Variants in KCNH5 observed in about 807,000 individuals in gnomAD.
KCNH5 encodes the protein potassium voltage-gated channel subfamily H member 5, also known as voltage-gated delayed rectifier potassium channel KCNH5.
A neutral mutation model predicts 96.1 loss-of-function variants in KCNH5; 46 were observed. The observed-to-expected ratio is 0.48, with a 90% CI of 0.38 to 0.61. The LOEUF (loss-of-function observed/expected upper bound fraction) is 0.61, where lower values mean the gene tolerates loss of function less well. Among genes scored for constraint, KCNH5 ranks in the 20% least tolerant of loss-of-function variants. KCNH5 has a pLI of 0.00. For missense variants in KCNH5, 907 were observed against 1,225.8 expected (o/e 0.74, Z 3.88); for synonymous variants, 439 against 449.8 (o/e 0.98, Z 0.30).
intron 7 of KCNH5, among the ~76,000 whole-genome samples, chr14:62,859,739 A>G (rs1887997560): frequency 6.6e-6 from 1 of 152,012 alleles, no homozygotes; most frequent in South Asian, 2.1e-4. Context: ...ACTTCCCTTC[A>G]CTGCTGTCCT....
intron 9 of KCNH5, among the ~76,000 whole-genome samples, chr14:62,800,018 A>G (rs1886628745): frequency 6.6e-6 from 1 of 151,438 alleles, no homozygotes; most frequent in Non-Finnish European, 1.5e-5. Flanking sequence ...GAGAATCAGG[A>G]AAACAGGTGC....
rs1885683499 is a variant in KCNH5 at position 62,758,814 on chromosome 14, T to C, written c.2019+20914A>G. ...GTAGGTTAGTATGGAAAAAGGAGAGTCATGTGGAGCTGGAACACATGAGGA... is the reference window on the plus strand; with the variant it reads ...GTAGGTTAGTATGGAAAAAGGAGAGCCATGTGGAGCTGGAACACATGAGGA... On this transcript the variant is annotated intron_variant, in intron 10 of 10. Coordinates refer to ENST00000322893, the MANE Select transcript of KCNH5 (RefSeq NM_139318.5). 2.6e-5 allele frequency among the ~76,000 whole-genome samples: 4 copies of C among 151,508 alleles called. No individual in the cohort carries two copies. The South Asian group carries it at 8.4e-4, about 32-fold the overall frequency.
intron 10 of KCNH5, among the ~76,000 whole-genome samples, chr14:62,749,823 C>T (rs1261281311): frequency 6.6e-6 from 1 of 152,156 alleles, no homozygotes; most frequent in African/African-American, 2.4e-5. Context: ...CCACTTTCCC[C>T]AAGACTGTGA....
chr14:62,859,018 C>T (rs535033516), intron 7 of KCNH5, among the ~76,000 whole-genome samples: 40 of 152,244 alleles, frequency 2.6e-4, no homozygotes, highest in African/African-American at 9.1e-4. Flanking sequence ...AGAGGCAATG[C>T]TGTATGGAAT....
intron 7 of KCNH5, among the ~76,000 whole-genome samples, chr14:62,935,538 C>T (rs1889663225): frequency 6.6e-6 from 1 of 152,034 alleles, no homozygotes; most frequent in African/African-American, 2.4e-5. Context: ...ATTAATAATC[C>T]CTGGTTATTT....
At chr14:62,856,165 C>T (rs2140052475) in intron 7 of KCNH5, among the ~76,000 whole-genome samples, 1 of 152,156 alleles carries the variant, frequency 6.6e-6, no homozygotes, top group East Asian at 1.9e-4. Context: ...TGTAACCTGG[C>T]CTTCACTCTT....
chr14:62,974,240 A>G (rs1333452534), intron 6 of KCNH5, among the ~76,000 whole-genome samples: 1 of 152,144 alleles, frequency 6.6e-6, no homozygotes, highest in Non-Finnish European at 1.5e-5. Flanking sequence ...AAGACTACTC[A>G]TTATCATCAA....
intron 7 of KCNH5, among the ~76,000 whole-genome samples, chr14:62,927,361 T>A (rs184351660): frequency 6.6e-6 from 1 of 152,088 alleles, no homozygotes; most frequent in Non-Finnish European, 1.5e-5. Flanking sequence ...AAAACTACCA[T>A]ATGATCCAGC....
At chr14:62,733,317 G>A (rs1452313342) in intron 10 of KCNH5, among the ~76,000 whole-genome samples, 1 of 152,084 alleles carries the variant, frequency 6.6e-6, no homozygotes, top group Non-Finnish European at 1.5e-5. Context: ...TGATGGATTA[G>A]TGTCCCATCA....
intron 1 of KCNH5, among the ~76,000 whole-genome samples, chr14:63,025,393 G>A (rs776433005): frequency 2.0e-5 from 3 of 151,976 alleles, no homozygotes; most frequent in Non-Finnish European, 4.4e-5. Context: ...AAAGAGAAAG[G>A]AAATAAAGCC....
intron 8 of KCNH5, among the ~76,000 whole-genome samples, chr14:62,842,373 T>G (rs184993303): frequency 0.012 from 1,870 of 152,308 alleles, 47 homozygotes; most frequent in African/African-American, 0.043. Context: ...ACATAAAATG[T>G]GTAGGTCAGT....
chr14:62,754,700 C>A (rs1885580533), intron 10 of KCNH5, among the ~76,000 whole-genome samples: 1 of 151,510 alleles, frequency 6.6e-6, no homozygotes, highest in Admixed American at 6.6e-5. Context: ...TGCAAAATCC[C>A]ATCTCTACTA....
At chr14:63,030,148 C>T (rs1427248864) in intron 1 of KCNH5, among the ~76,000 whole-genome samples, 1 of 152,160 alleles carries the variant, frequency 6.6e-6, no homozygotes, top group East Asian at 1.9e-4. Flanking sequence ...CTTAAAGGAC[C>T]TTGAGCCATG....
At chr14:62,717,311 G>A (rs1298692156) in intron 10 of KCNH5, among the ~76,000 whole-genome samples, 1 of 152,070 alleles carries the variant, frequency 6.6e-6, no homozygotes, top group Non-Finnish European at 1.5e-5. Context: ...GAAAATGCAA[G>A]GGACCCAGAA....
At chr14:62,954,575 T>A (rs1252587579) in intron 6 of KCNH5, among the ~76,000 whole-genome samples, 1 of 152,228 alleles carries the variant, frequency 6.6e-6, no homozygotes, top group Non-Finnish European at 1.5e-5. Context: ...AACAGTATAA[T>A]GTAGAGAACA....
At chr14:62,894,349 C>T (rs529335759) in intron 7 of KCNH5, among the ~76,000 whole-genome samples, 1 of 152,210 alleles carries the variant, frequency 6.6e-6, no homozygotes, top group South Asian at 2.1e-4. Flanking sequence ...TCCTATGGAC[C>T]GGAAACTGTA....
At chr14:62,979,949 C>T (rs1265869875) in intron 6 of KCNH5, among the ~76,000 whole-genome samples, 1 of 152,122 alleles carries the variant, frequency 6.6e-6, no homozygotes, top group Non-Finnish European at 1.5e-5. Context: ...AATGGTAATC[C>T]CCACATGTCA....
chr14:63,030,634 T>A (rs927135706), intron 1 of KCNH5, among the ~76,000 whole-genome samples: 2 of 152,104 alleles, frequency 1.3e-5, no homozygotes, highest in African/African-American at 2.4e-5. Context: ...AAGATTCTGT[T>A]TTAATTGGTC....
chr14:62,967,922 TA>T (rs1054526035), intron 6 of KCNH5, among the ~76,000 whole-genome samples: 61 of 152,260 alleles, frequency 4.0e-4, no homozygotes, highest in African/African-American at 1.4e-3. Flanking sequence ...TCAGTACAGA[TA>T]AAAAAATTTT....
Sources: gnomAD v4.1 joint callset for allele counts (sites outside exome capture counted in the v4.1 genomes callset) on GRCh38, gnomAD v4.1.1 for gene constraint, MANE v1.5 for transcripts, NCBI Gene and HGNC (gene_info 2026-07-23, HGNC 2026-07-21) for gene names.